The following RFTN1 variants were observed in gnomAD, a reference collection of about 807,000 sequenced individuals.
The protein encoded by RFTN1 is raftlin.
In RFTN1, 26 loss-of-function variants were observed where a neutral mutation model predicts 46.5. That is an observed-to-expected ratio of 0.56 (90% CI 0.41 to 0.78). The LOEUF is 0.78. Among genes scored for constraint, RFTN1 ranks in the 30% least tolerant of loss-of-function variants. The probability of loss-of-function intolerance (pLI) is 0.00; values close to 1 mark genes in which losing one functional copy is unlikely to be tolerated. For missense variants in RFTN1, 693 were observed against 718.7 expected (o/e 0.96, Z 0.41); for synonymous variants, 261 against 284.2 (o/e 0.92, Z 0.82).
At position 16,426,406 on chromosome 3, in the gene RFTN1, T is replaced by C. The variant is rs181440631; in HGVS notation, c.332+7445A>G. The stretch of plus-strand genomic sequence containing the variant: ...CTTTCGACTGTAATTTTTTAAAGGA[T>C]TTTCTTTTTAGTTTCAGTATAATTT... On this transcript the variant is annotated intron_variant, in intron 3 of 9. Coordinates refer to ENST00000334133, the MANE Select transcript of RFTN1 (RefSeq NM_015150.2). This position sits in a 1 kb window ranked among gnomAD's most constrained non-coding sequence, Gnocchi z 5.9. Among the ~76,000 whole-genome samples, 15 of 152,260 alleles carry C rather than the reference T, an allele frequency of 9.9e-5. No homozygotes were observed. Among genetic ancestry groups the C allele is most frequent in the Admixed American group, 2.0e-4 (3 of 15,284 alleles).
In RFTN1 at chr3:16,317,222, C is replaced by T. The variant is rs142008016; in HGVS notation, c.1343G>A (p.Arg448Gln). 24 of 1,612,140 alleles carry T rather than the reference C, an allele frequency of 1.5e-5. No homozygotes were observed. Among genetic ancestry groups the T allele is most frequent in the Non-Finnish European group, 1.7e-5 (20 of 1,179,958 alleles). ...IKKKESKFQW[R>Q]FSREEMHNRQ... The stretch of plus-strand genomic sequence containing the variant: ...GTTGTGCATTTCTTCTCTGGAGAAT[C>T]GCCACTGAAACTAGAAATCAGAAAG... The change falls in exon 10 of 10, where the codon CGA becomes CAA. Residue 448 changes from arginine to glutamine, a missense_variant. Arg to Gln is a conservative substitution (Grantham distance 43). Coordinates refer to ENST00000334133, the MANE Select transcript of RFTN1 (RefSeq NM_015150.2). The surrounding 1 kb of genome is among the most constrained non-coding windows in gnomAD (Gnocchi z 4.3).
chr3:16,487,055 T>C (rs2076459319), intron 2 of RFTN1, among the ~76,000 whole-genome samples: 2 of 152,188 alleles, frequency 1.3e-5, no homozygotes, highest in Non-Finnish European at 1.5e-5. Context: ...AAGAGAGCCC[T>C]GACCAGAACC....
Position 16,345,129 on chromosome 3 carries a change from C to T in RFTN1, c.1146+12803G>A, listed in dbSNP as rs1172003867. 1 of 152,236 alleles carries T rather than the reference C, an allele frequency of 6.6e-6. No individual in the cohort carries two copies. The highest frequency in any genetic ancestry group is 1.9e-4 in the East Asian group (1 of 5,190). 9.4% of individuals were successfully genotyped at this position (152,236 alleles called of 1,614,324 possible). On this transcript the variant is annotated intron_variant, in intron 7 of 9. Transcript: ENST00000334133. This position sits in a 1 kb window ranked among gnomAD's most constrained non-coding sequence, Gnocchi z 5.2. ...GTGAGCTTGGAAGTGGATTCTTCCC[C>T]ACCAAAACCTCTAATAAGGCACACA...
At position 16,483,464 on chromosome 3, in the gene RFTN1, A is replaced by G. The variant is rs1046765604; in HGVS notation, c.145+10261T>C. Reference sequence around the variant, plus strand: ...TGTTGACACCTGTTCTGTAGTGTCAACTGTAGGTGGGGTGGGGACACAGAA... The same window carrying G: ...TGTTGACACCTGTTCTGTAGTGTCAGCTGTAGGTGGGGTGGGGACACAGAA... On this transcript the variant is annotated intron_variant, in intron 2 of 9. Transcript: ENST00000334133. The surrounding 1 kb of genome is among the most constrained non-coding windows in gnomAD (Gnocchi z 4.8). Among the ~76,000 whole-genome samples the G allele has an allele frequency of 2.0e-5, 3 of 152,130 alleles. No homozygotes were observed. The highest frequency in any genetic ancestry group is 2.0e-4 in the Admixed American group (3 of 15,282).
chr3:16,474,503 C>T lies in RFTN1; in HGVS notation c.145+19222G>A, dbSNP rs2076250925. Among the ~76,000 whole-genome samples the T allele has an allele frequency of 6.6e-6, 1 of 152,196 alleles. No individual in the cohort carries two copies. Among genetic ancestry groups the T allele is most frequent in the Admixed American group, 6.5e-5 (1 of 15,286 alleles). On this transcript the variant is annotated intron_variant, in intron 2 of 9. Transcript: ENST00000334133. The surrounding 1 kb of genome is among the most constrained non-coding windows in gnomAD (Gnocchi z 5.5). The stretch of plus-strand genomic sequence containing the variant: ...CATGAGAAAGATACCAGTACACCCC[C>T]AGGAAGCCAGCCGATTCTCTGGTGA...
chr3:16,425,302 T>C lies in RFTN1; in HGVS notation c.332+8549A>G, dbSNP rs919880460. Among the ~76,000 whole-genome samples, 1 of 152,162 alleles carries C rather than the reference T, an allele frequency of 6.6e-6. No homozygotes were observed. Among genetic ancestry groups the C allele is most frequent in the Non-Finnish European group, 1.5e-5 (1 of 68,024 alleles). On this transcript the variant is annotated intron_variant, in intron 3 of 9. Coordinates refer to ENST00000334133, the MANE Select transcript of RFTN1 (RefSeq NM_015150.2). This position sits in a 1 kb window ranked among gnomAD's most constrained non-coding sequence, Gnocchi z 4.3. ...TTATTTAAAAACAAATACAGACATT[T>C]CATGGTACTGAAGTATTCACCCAAG...
At chr3:16,408,311 T>C (rs1010759456) in intron 4 of RFTN1, among the ~76,000 whole-genome samples, 1 of 152,162 alleles carries the variant, frequency 6.6e-6, no homozygotes, top group Non-Finnish European at 1.5e-5. Flanking sequence ...CCACTTCTGC[T>C]GGTAACACTC....
chr3:16,326,688 T>C, intron 8 of RFTN1, 85 bp downstream of exon 8: 1 of 984,494 alleles, frequency 1.0e-6, no homozygotes, highest in Non-Finnish European at 1.6e-6. Context: ...ATTAAATAAT[T>C]TATAGACGTG....
rs2076393638 is a variant in RFTN1 at position 16,483,023 on chromosome 3, T to C, written c.145+10702A>G. Among the ~76,000 whole-genome samples, 1 of 152,216 alleles carries C rather than the reference T, an allele frequency of 6.6e-6. No individual in the cohort carries two copies. The highest frequency in any genetic ancestry group is 1.5e-5 in the Non-Finnish European group (1 of 68,040). The stretch of plus-strand genomic sequence containing the variant: ...CCCTCCTCCAGGGCTTCTGACATTT[T>C]GCTCCAAGGTTTGTTTGTTTTTACT... On this transcript the variant is annotated intron_variant, in intron 2 of 9. Coordinates refer to ENST00000334133, the MANE Select transcript of RFTN1 (RefSeq NM_015150.2). The surrounding 1 kb of genome is among the most constrained non-coding windows in gnomAD (Gnocchi z 4.8).
chr3:16,478,873 C>T (rs1052368051), intron 2 of RFTN1, among the ~76,000 whole-genome samples: 1 of 152,218 alleles, frequency 6.6e-6, no homozygotes, highest in African/African-American at 2.4e-5. Context: ...CAGTTTCCTT[C>T]AGGGGAGTAA....
rs1338388611 is a variant in RFTN1 at position 16,447,880 on chromosome 3, G to A, written c.146-13843C>T. ...TGGGCCATGGAGAAGTCTGGCCTTT[G>A]AGGTTACGCATGAGGATCTGATAGG... is the stretch of plus-strand genomic sequence containing the variant. On this transcript the variant is annotated intron_variant, in intron 2 of 9. Coordinates refer to ENST00000334133, the MANE Select transcript of RFTN1 (RefSeq NM_015150.2). This position sits in a 1 kb window ranked among gnomAD's most constrained non-coding sequence, Gnocchi z 5.9. Among the ~76,000 whole-genome samples the A allele has an allele frequency of 6.6e-6, 1 of 152,210 alleles. No homozygotes were observed. Among genetic ancestry groups the A allele is most frequent in the Non-Finnish European group, 1.5e-5 (1 of 68,030 alleles).
intron 5 of RFTN1, among the ~76,000 whole-genome samples, chr3:16,375,849 A>G (rs1257577476): frequency 6.6e-6 from 1 of 152,206 alleles, no homozygotes; most frequent in African/African-American, 2.4e-5. Flanking sequence ...AGGAGAGAAC[A>G]GGGACTTGGG....
Position 16,317,246 on chromosome 3 carries a change from A to G in RFTN1, c.1333-14T>C, listed in dbSNP as rs952944653. ...TCGCCACTGAAACTAGAAATCAGAAAGGATGGGGATAAATAACAAGCCTCC... is the reference window on the plus strand; with the variant it reads ...TCGCCACTGAAACTAGAAATCAGAAGGGATGGGGATAAATAACAAGCCTCC... On this transcript the variant is annotated splice_polypyrimidine_tract_variant and intron_variant, in intron 9 of 9. Coordinates refer to ENST00000334133, the MANE Select transcript of RFTN1 (RefSeq NM_015150.2). This position sits in a 1 kb window ranked among gnomAD's most constrained non-coding sequence, Gnocchi z 4.3. 1.4e-5 allele frequency: 23 copies of G among 1,610,050 alleles called. No individual in the cohort carries two copies. Among genetic ancestry groups the G allele is most frequent in the Non-Finnish European group, 1.9e-5 (23 of 1,179,876 alleles).
chr3:16,480,392 T>G lies in RFTN1; in HGVS notation c.145+13333A>C, dbSNP rs1019099492. ...TGTACTCCTCCTGATAAATCATGTG[T>G]ATGTACCTGCAAAGTATGTTTATGC... is the stretch of plus-strand genomic sequence containing the variant. On this transcript the variant is annotated intron_variant, in intron 2 of 9. Transcript: ENST00000334133. This position sits in a 1 kb window ranked among gnomAD's most constrained non-coding sequence, Gnocchi z 4.3. Among the ~76,000 whole-genome samples the G allele has an allele frequency of 3.9e-5, 6 of 152,226 alleles. No individual in the cohort carries two copies. Among genetic ancestry groups the G allele is most frequent in the Non-Finnish European group, 8.8e-5 (6 of 68,038 alleles).
chr3:16,355,012 T>TC (rs1226071926), intron 7 of RFTN1, among the ~76,000 whole-genome samples: 1 of 152,176 alleles, frequency 6.6e-6, no homozygotes, highest in Non-Finnish European at 1.5e-5. Context: ...TAAGACCTCA[T>TC]CAGAATGGCC....
At position 16,493,883 on chromosome 3, in the gene RFTN1, G is replaced by A; in HGVS notation, c.-8-6C>T. On this transcript the variant is annotated splice_polypyrimidine_tract_variant and splice_region_variant and intron_variant, in intron 1 of 9. Transcript: ENST00000334133. ...TCCGCAACCCATTTCAGCAGCTGCTGGCCAAAGGAAAAAGGCGGGGAGGTG... is the reference window on the plus strand; with the variant it reads ...TCCGCAACCCATTTCAGCAGCTGCTAGCCAAAGGAAAAAGGCGGGGAGGTG... 6.2e-7 allele frequency: 1 copy of A among 1,613,834 alleles called. No individual in the cohort carries two copies. Among genetic ancestry groups the A allele is most frequent in the African/African-American group, 1.3e-5 (1 of 74,998 alleles).
In RFTN1 at chr3:16,324,912, A is replaced by G. The variant is rs556338780; in HGVS notation, c.1251-1455T>C. On this transcript the variant is annotated intron_variant, in intron 8 of 9. Coordinates refer to ENST00000334133, the MANE Select transcript of RFTN1 (RefSeq NM_015150.2). Reference sequence around the variant, plus strand: ...GAGAAACCTCTGTACTATTTTCCATAATGGCTATATTAATTTACAATCCCA... The same window carrying G: ...GAGAAACCTCTGTACTATTTTCCATGATGGCTATATTAATTTACAATCCCA... 2.0e-5 allele frequency among the ~76,000 whole-genome samples: 3 copies of G among 152,050 alleles called. No homozygotes were observed. The South Asian group carries it at 6.2e-4, about 32-fold the overall frequency.
intron 2 of RFTN1, chr3:16,454,759 G>C: frequency 3.0e-6 from 3 of 985,320 alleles, no homozygotes; most frequent in Non-Finnish European, 3.6e-6. Context: ...CTTGTGTCAA[G>C]GCACCATCTA....
At position 16,499,170 on chromosome 3, in the gene RFTN1, G is replaced by A. The variant is rs147257412; in HGVS notation, c.-8-5293C>T. Among the ~76,000 whole-genome samples, 242 of 152,286 alleles carry A rather than the reference G, an allele frequency of 1.6e-3. 3 individuals carry two copies. The highest frequency in any genetic ancestry group is 5.1e-3 in the African/African-American group (210 of 41,538). ...CACATGGGTCAAAGTCTCTAGTAAG[G>A]TGGAAGGTAAATGGTAAGTAGGATG... On this transcript the variant is annotated intron_variant, in intron 1 of 9. Coordinates refer to ENST00000334133, the MANE Select transcript of RFTN1 (RefSeq NM_015150.2). The surrounding 1 kb of genome is among the most constrained non-coding windows in gnomAD (Gnocchi z 4.9).
Sources: gnomAD v4.1 joint callset for allele counts (sites outside exome capture counted in the v4.1 genomes callset) on GRCh38, gnomAD v4.1.1 for gene constraint, Gnocchi (gnomAD v3.1) non-coding constraint, MANE v1.5 for transcripts, NCBI Gene and HGNC (gene_info 2026-07-23, HGNC 2026-07-21) for gene names.